The following MAF variants were observed in gnomAD, a reference collection of about 807,000 sequenced individuals.
MAF encodes MAF bZIP transcription factor.
A neutral mutation model predicts 22.0 loss-of-function variants in MAF; 10 were observed. That is an observed-to-expected ratio of 0.45 (90% confidence interval 0.28 to 0.77). MAF has a LOEUF of 0.77. Ranked by LOEUF, MAF falls within the 30% of genes least tolerant of loss-of-function variation. The probability of loss-of-function intolerance (pLI) is 0.12; values close to 1 mark genes in which losing one functional copy is unlikely to be tolerated. For missense variants in MAF, 544 were observed against 548.4 expected, an observed-to-expected ratio of 0.99 and a Z score of 0.08; for synonymous variants, 337 against 255.8, an observed-to-expected ratio of 1.32 and a Z score of -3.03.
chr16:79,559,476 G>A, the MAF span, among the ~76,000 whole-genome samples: 1 of 152,238 alleles, frequency 6.6e-6, no homozygotes, highest in Admixed American at 6.5e-5. Context: ...TCCCCAAGAG[G>A]CGCACATCCC....
intron 1 of MAF, chr16:79,595,035 C>T: frequency 9.5e-7 from 1 of 1,054,164 alleles, no homozygotes; most frequent in African/African-American, 1.7e-5. Flanking sequence ...GAATGTTTGC[C>T]TAAAATCTTT....
chr16:79,584,952 T>C (rs1423137572), downstream of MAF, among the ~76,000 whole-genome samples: 1 of 152,202 alleles, frequency 6.6e-6, no homozygotes, highest in Admixed American at 6.5e-5. Context: ...ATCCTTAACG[T>C]ACCTCCTTTG....
the MAF span, among the ~76,000 whole-genome samples, chr16:79,566,279 C>T: frequency 1.3e-5 from 2 of 152,246 alleles, no homozygotes; most frequent in South Asian, 4.2e-4. Flanking sequence ...ATCTTTGTGG[C>T]ACTTTTAGAC....
the MAF span, among the ~76,000 whole-genome samples, chr16:79,264,772 C>A: frequency 6.6e-6 from 1 of 152,176 alleles, no homozygotes; most frequent in African/African-American, 2.4e-5. Context: ...CAGCAGCCCA[C>A]CTCACCCCAC....
chr16:79,533,747 G>C, the MAF span, among the ~76,000 whole-genome samples: 1 of 151,900 alleles, frequency 6.6e-6, no homozygotes, highest in Non-Finnish European at 1.5e-5. Flanking sequence ...CCACCTCCCA[G>C]TGACCTCTGT....
chr16:79,452,271 G>T, the MAF span, among the ~76,000 whole-genome samples: 8 of 152,176 alleles, frequency 5.3e-5, no homozygotes, highest in African/African-American at 1.9e-4. Flanking sequence ...ATTAACATAG[G>T]TTAAATTATG....
At chr16:79,587,471 C>A (rs1912917588) in intron 1 of MAF, among the ~76,000 whole-genome samples, 1 of 151,718 alleles carries the variant, frequency 6.6e-6, no homozygotes, top group Admixed American at 6.6e-5. Context: ...TTTAGAAACG[C>A]CAGTGAATAG....
the MAF span, among the ~76,000 whole-genome samples, chr16:79,416,593 G>A: frequency 6.6e-5 from 10 of 151,902 alleles, no homozygotes; most frequent in Admixed American, 3.9e-4. Context: ...GGGAGTGGCC[G>A]TACCCCCACT....
At chr16:79,522,773 G>A in the MAF span, among the ~76,000 whole-genome samples, 3 of 152,192 alleles carry the variant, frequency 2.0e-5, no homozygotes, top group Admixed American at 2.0e-4. Context: ...TTGGGCAAAA[G>A]TCATCTAATA....
chr16:79,211,665 G>C, the MAF span: 1 of 1,614,190 alleles, frequency 6.2e-7, no homozygotes, highest in South Asian at 1.1e-5. Flanking sequence ...GGAGGGTCTG[G>C]GAGGGATGTA....
At chr16:79,387,418 C>G in the MAF span, among the ~76,000 whole-genome samples, 46 of 152,120 alleles carry the variant, frequency 3.0e-4, no homozygotes, top group Admixed American at 7.2e-4. Flanking sequence ...ACATCCACTA[C>G]TAAAGGAGAA....
chr16:79,299,720 T>C, the MAF span, among the ~76,000 whole-genome samples: 6 of 152,370 alleles, frequency 3.9e-5, no homozygotes, highest in East Asian at 1.2e-3. Context: ...TTGACTATTC[T>C]AATGCAATGC....
chr16:79,319,372 C>T, the MAF span, among the ~76,000 whole-genome samples: 3 of 152,310 alleles, frequency 2.0e-5, no homozygotes, highest in African/African-American at 4.8e-5. Context: ...TGGATCAATG[C>T]GCTCAGACTA....
chr16:79,239,414 C>T, the MAF span, among the ~76,000 whole-genome samples: 1 of 152,006 alleles, frequency 6.6e-6, no homozygotes, highest in African/African-American at 2.4e-5. Context: ...CAACTTGAGG[C>T]TGTTGGTGGA....
chr16:79,361,863 T>C, the MAF span, among the ~76,000 whole-genome samples: 2 of 152,204 alleles, frequency 1.3e-5, no homozygotes, highest in Non-Finnish European at 2.9e-5. Context: ...AGAGGCATCT[T>C]GTCTGTAGAA....
At chr16:79,366,509 G>A in the MAF span, among the ~76,000 whole-genome samples, 1 of 152,180 alleles carries the variant, frequency 6.6e-6, no homozygotes, top group African/African-American at 2.4e-5. Context: ...ATATATTTAA[G>A]ATTTCCTGAC....
chr16:79,591,817 G>A (rs1319904857), downstream of MAF, among the ~76,000 whole-genome samples: 4 of 152,304 alleles, frequency 2.6e-5, no homozygotes, highest in East Asian at 7.7e-4. Flanking sequence ...GGTACAACAT[G>A]TCTGGCTGGT....
chr16:79,506,055 T>C, the MAF span, among the ~76,000 whole-genome samples: 3 of 152,114 alleles, frequency 2.0e-5, no homozygotes, highest in African/African-American at 7.2e-5. Flanking sequence ...CGTCATTTTT[T>C]CCCAGGCTAT....
the MAF span, among the ~76,000 whole-genome samples, chr16:79,466,354 T>C: frequency 4.6e-5 from 7 of 152,262 alleles, 1 homozygote; most frequent in Non-Finnish European, 1.0e-4. Context: ...AATGCCATCC[T>C]GAAAATGAAA....
Sources: allele counts gnomAD v4.1 joint callset (sites outside exome capture counted in the v4.1 genomes callset), GRCh38; gene constraint gnomAD v4.1.1; transcripts MANE v1.5; gene names NCBI Gene and HGNC (gene_info 2026-07-23, HGNC 2026-07-21).